Variants in C19orf47 observed in about 807,000 individuals in gnomAD.
The protein encoded by C19orf47 is chromosome 19 open reading frame 47.
Under a neutral mutation model 32.3 loss-of-function variants are expected in C19orf47, and 18 were observed. The observed-to-expected ratio is 0.56, with a 90% CI of 0.39 to 0.83. The LOEUF (loss-of-function observed/expected upper bound fraction) is 0.83, where lower values mean the gene tolerates loss of function less well. Among genes scored for constraint, C19orf47 ranks in the 40% least tolerant of loss-of-function variants. The pLI, the probability that C19orf47 is intolerant of heterozygous loss-of-function variation, is 0.00. For synonymous variants in C19orf47, 202 were observed against 211.1 expected (o/e 0.96, Z 0.37); for missense variants, 484 against 531.6 (o/e 0.91, Z 0.88).
At position 40,321,235 on chromosome 19, in the gene C19orf47, C is replaced by A; in HGVS notation, c.*647G>T. ...CCAGGGTCTGGAGAGGTCCCTCCAG[C>A]CTGGGAGTAGAGGGCGGCTAACAGT... On this transcript the variant is annotated 3_prime_UTR_variant, in exon 9 of 9. Transcript: ENST00000683109. 1 of 986,918 alleles carries A rather than the reference C, an allele frequency of 1.0e-6. No individual in the cohort carries two copies. 61.1% of individuals were successfully genotyped at this position (986,918 alleles called of 1,614,324 possible).
At chr19:40,337,754 G>T (rs2078094353) in intron 2 of C19orf47, among the ~76,000 whole-genome samples, 1 of 152,172 alleles carries the variant, frequency 6.6e-6, no homozygotes, top group African/African-American at 2.4e-5. Context: ...CTCCAAGAAG[G>T]CCCCTGCCCA....
chr19:40,328,608 C>T (rs780401575), intron 5 of C19orf47, 58 bp from the exon 6 acceptor site: 10 of 1,547,480 alleles, frequency 6.5e-6, no homozygotes, highest in Non-Finnish European at 8.7e-6. Flanking sequence ...GGCCTCAATC[C>T]AGCAGTCTCA....
At chr19:40,315,501 C>T (rs931146635), downstream of C19orf47, among the ~76,000 whole-genome samples, 3 of 152,140 alleles carry the variant, frequency 2.0e-5, no homozygotes, top group Admixed American at 6.5e-5. Flanking sequence ...AAACAACTGG[C>T]CGGGCATGGT....
intron 1 of C19orf47, among the ~76,000 whole-genome samples, chr19:40,346,191 G>A (rs891266836): frequency 2.8e-5 from 4 of 144,356 alleles, no homozygotes; most frequent in Middle Eastern, 4.0e-3. Flanking sequence ...CCAATTCTTG[G>A]CCAGCACCTT....
chr19:40,330,627 G>A (rs2077933736), intron 5 of C19orf47, among the ~76,000 whole-genome samples: 1 of 131,306 alleles, frequency 7.6e-6, no homozygotes, highest in Admixed American at 9.6e-5. Flanking sequence ...ATAACTCACT[G>A]CAGCCTCAAA....
chr19:40,344,328 A>G (rs916119309), intron 1 of C19orf47, among the ~76,000 whole-genome samples: 16 of 151,512 alleles, frequency 1.1e-4, no homozygotes, highest in Non-Finnish European at 2.1e-4. Context: ...AAAATACAAA[A>G]ATTAGTCGGG....
chr19:40,312,196 G>A, the C19orf47 span, among the ~76,000 whole-genome samples: 1 of 152,142 alleles, frequency 6.6e-6, no homozygotes, highest in Non-Finnish European at 1.5e-5. Context: ...TCCTGAATCT[G>A]ATGGGCCAGT....
At chr19:40,334,780 C>T (rs1414639490) in intron 4 of C19orf47, 1 of 151,894 alleles carries the variant, frequency 6.6e-6, no homozygotes, top group Non-Finnish European at 1.5e-5. Context: ...GGCACAGGGG[C>T]ACATGCCTGT....
chr19:40,326,717 T>G (rs1265663346), intron 6 of C19orf47, among the ~76,000 whole-genome samples: 4 of 152,134 alleles, frequency 2.6e-5, no homozygotes, highest in Non-Finnish European at 5.9e-5. Flanking sequence ...CCAGGCTTTC[T>G]GTGGCTCTGT....
chr19:40,321,312 G>A lies in C19orf47; in HGVS notation c.*570C>T, dbSNP rs960251678. 7 of 986,744 alleles carry A rather than the reference G, an allele frequency of 7.1e-6. No homozygotes were observed. The highest frequency in any genetic ancestry group is 8.4e-6 in the Non-Finnish European group (7 of 830,434). The allele number at this position is 986,744 out of a possible 1,614,324, so 61.1% of individuals were successfully genotyped here. ...CGAGGGGGCCGCTGGGAGGCCGGAG[G>A]TACAGGAGGGTCGGGCAGGACGCAG... On this transcript the variant is annotated 3_prime_UTR_variant, in exon 9 of 9. Transcript: ENST00000683109.
chr19:40,309,311 C>A, the C19orf47 span, among the ~76,000 whole-genome samples: 1 of 151,658 alleles, frequency 6.6e-6, no homozygotes, highest in Admixed American at 6.6e-5. Flanking sequence ...CCTGCTTCAG[C>A]CTGAGTAGCT....
chr19:40,324,170 G>T, intron 7 of C19orf47, 94 bp from the exon 8 acceptor site: 1 of 1,220,672 alleles, frequency 8.2e-7, no homozygotes. Flanking sequence ...GACACCAGTA[G>T]CTCTGGGACA....
Position 40,321,433 on chromosome 19 carries a change from G to A in C19orf47, c.*449C>T, listed in dbSNP as rs544341928. On this transcript the variant is annotated 3_prime_UTR_variant, in exon 9 of 9. Coordinates refer to ENST00000683109, the MANE Select transcript of C19orf47 (RefSeq NM_001256441.2). ...AGAAGTCACAGCAGTGGGGGGAGGC[G>A]CAGAGGAGTGAGGGAGGTCAGTGGG... 94 of 1,001,522 alleles carry A rather than the reference G, an allele frequency of 9.4e-5. No homozygotes were observed. In the East Asian group the frequency reaches 2.6e-3, roughly 28 times the overall value. 62.0% of individuals were successfully genotyped at this position (1,001,522 alleles called of 1,614,324 possible).
chr19:40,328,675 C>A, intron 5 of C19orf47, 125 bp from the exon 6 acceptor site: 1 of 1,276,428 alleles, frequency 7.8e-7, no homozygotes, highest in South Asian at 1.5e-5. Context: ...GCGGGTATCA[C>A]CCTGTAACTG....
the C19orf47 span, among the ~76,000 whole-genome samples, chr19:40,312,136 AAGG>A: frequency 1.3e-5 from 2 of 152,304 alleles, no homozygotes; most frequent in Admixed American, 6.5e-5. Context: ...CTCTTCTTAC[AAGG>A]AGATGTTGAC....
intron 4 of C19orf47, 56 bp downstream of exon 4, chr19:40,336,054 T>G: frequency 6.5e-7 from 1 of 1,527,692 alleles, no homozygotes; most frequent in Non-Finnish European, 9.0e-7. Flanking sequence ...GCTCTGCAAC[T>G]GACCCTCCAC....
chr19:40,348,400 C>T (rs1273946401), upstream of C19orf47: 6 of 1,477,808 alleles, frequency 4.1e-6, no homozygotes, highest in East Asian at 1.7e-4. Flanking sequence ...CACTCCTCCC[C>T]CGGCCCGGGC....
chr19:40,346,623 T>C (rs1235368418), intron 1 of C19orf47, among the ~76,000 whole-genome samples: 1 of 147,200 alleles, frequency 6.8e-6, no homozygotes, highest in East Asian at 2.0e-4. Flanking sequence ...GCCTCCCAGG[T>C]TCAAGCAATT....
chr19:40,341,930 G>A (rs764984948), intron 1 of C19orf47, 40 bp from the exon 2 acceptor site: 104 of 1,535,886 alleles, frequency 6.8e-5, no homozygotes, highest in Non-Finnish European at 8.6e-5. Flanking sequence ...AGCTGCTGCC[G>A]GCTGTGAGTG....
Sources: gnomAD v4.1 joint callset for allele counts (sites outside exome capture counted in the v4.1 genomes callset) on GRCh38, gnomAD v4.1.1 for gene constraint, MANE v1.5 for transcripts, NCBI Gene and HGNC (gene_info 2026-07-23, HGNC 2026-07-21) for gene names.